The following AGBL3 variants were observed in gnomAD, a reference collection of about 807,000 sequenced individuals.
AGBL3 encodes the protein AGBL carboxypeptidase 3, also known as cytosolic carboxypeptidase 3.
AGBL3 carries 68 observed loss-of-function variants against 94.5 expected under a neutral mutation model. That is an observed-to-expected ratio of 0.72 (90% CI 0.59 to 0.88). The LOEUF (loss-of-function observed/expected upper bound fraction) is 0.88, where lower values mean the gene tolerates loss of function less well. Among genes scored for constraint, AGBL3 ranks in the 40% least tolerant of loss-of-function variants. AGBL3 has a pLI of 0.00. For synonymous variants in AGBL3, 354 were observed against 370.7 expected (o/e 0.95, Z 0.52); for missense variants, 934 against 1,103.8 (o/e 0.85, Z 2.18).
At chr7:135,025,445 T>A (rs1814984343) in intron 5 of AGBL3, among the ~76,000 whole-genome samples, 1 of 151,552 alleles carries the variant, frequency 6.6e-6, no homozygotes, top group South Asian at 2.2e-4. Flanking sequence ...AGACCAGCCT[T>A]ACAAGATGAT....
chr7:135,018,299 C>T (rs750536251), intron 5 of AGBL3, among the ~76,000 whole-genome samples: 1 of 152,138 alleles, frequency 6.6e-6, no homozygotes, highest in African/African-American at 2.4e-5. Context: ...CCTGTGGCAC[C>T]GAAGGGAAAA....
intron 13 of AGBL3, among the ~76,000 whole-genome samples, 170 bp downstream of exon 13, chr7:135,076,638 G>A (rs1820477984): frequency 6.6e-6 from 1 of 152,064 alleles, no homozygotes; most frequent in Non-Finnish European, 1.5e-5. Context: ...ACAGATGAGA[G>A]GTGGGCCTTA....
At chr7:135,080,747 T>G (rs1293905272) in intron 14 of AGBL3, among the ~76,000 whole-genome samples, 3 of 151,162 alleles carry the variant, frequency 2.0e-5, no homozygotes, top group Non-Finnish European at 4.4e-5. Flanking sequence ...CATCTCTGTT[T>G]TTTTTTTTTT....
chr7:135,026,248 T>TTTTATTTTATTTTTTTTATTTATTTTA (rs775495542), intron 5 of AGBL3, among the ~76,000 whole-genome samples: 1 of 113,722 alleles, frequency 8.8e-6, no homozygotes, highest in South Asian at 2.8e-4. Context: ...AATACCATTA[T>TTTTATTTTATTTTTTTTATTTATTTTA]TTTATTTTAT....
intron 11 of AGBL3, among the ~76,000 whole-genome samples, chr7:135,057,577 C>G (rs532267527): frequency 6.6e-6 from 1 of 152,266 alleles, no homozygotes; most frequent in South Asian, 2.1e-4. Context: ...AACTCTCCTT[C>G]TTTGCTAGTG....
intron 16 of AGBL3, among the ~76,000 whole-genome samples, chr7:135,127,053 A>G (rs1259931395): frequency 6.6e-6 from 1 of 152,230 alleles, no homozygotes; most frequent in Admixed American, 6.5e-5. Context: ...CTGCATAGCA[A>G]AAGAAACCAG....
intron 12 of AGBL3, among the ~76,000 whole-genome samples, chr7:135,062,516 T>C (rs933988040): frequency 6.6e-6 from 1 of 151,840 alleles, no homozygotes; most frequent in African/African-American, 2.4e-5. Flanking sequence ...ATGGCCTTTA[T>C]TGTATTGAGG....
At position 135,059,170 on chromosome 7, in the gene AGBL3, A is replaced by G. The variant is rs1242390528; in HGVS notation, c.1843A>G (p.Ser615Gly). 1 of 1,550,354 alleles carries G rather than the reference A, an allele frequency of 6.5e-7. No individual in the cohort carries two copies. Among genetic ancestry groups the G allele is most frequent in the Admixed American group, 2.0e-5 (1 of 50,740 alleles). ...AAACCAAAATTATTTTTTTTGTAGT[A>G]GCCGAGGCTCTGACAGTTCAGAATC... is the stretch of plus-strand genomic sequence containing the variant. ...IDITLDVESS[S>G]RGSDSSESID... The change falls in exon 12 of 17, where the codon AGC becomes GGC. Residue 615 changes from serine to glycine, a missense_variant and splice_region_variant. Around this residue, in one of 3 missense-constraint regions of AGBL3, gnomAD observed 441 missense variants for 518.2 expected, o/e 0.85. Transcript: ENST00000436302.
intron 15 of AGBL3, among the ~76,000 whole-genome samples, chr7:135,112,622 C>T (rs10240318): frequency 0.021 from 3,176 of 152,214 alleles, 123 homozygotes; most frequent in African/African-American, 0.071. Context: ...AGTGAGTGCC[C>T]TGGTTTATCT....
intron 4 of AGBL3, among the ~76,000 whole-genome samples, chr7:135,000,336 T>C (rs772394487): frequency 5.3e-5 from 8 of 152,160 alleles, no homozygotes; most frequent in Non-Finnish European, 1.0e-4. Flanking sequence ...AATTGGTAGA[T>C]TCAGTAAAGA....
intron 16 of AGBL3, among the ~76,000 whole-genome samples, chr7:135,133,355 C>A (rs1309691132): frequency 6.6e-6 from 1 of 152,126 alleles, no homozygotes; most frequent in Non-Finnish European, 1.5e-5. Flanking sequence ...TCAGTTCTTC[C>A]CAGCTTAATA....
chr7:135,018,328 A>G (rs1426989783), intron 5 of AGBL3, among the ~76,000 whole-genome samples: 1 of 152,170 alleles, frequency 6.6e-6, no homozygotes, highest in African/African-American at 2.4e-5. Context: ...GGATAAATAA[A>G]CCAATTTCAC....
At chr7:135,089,470 A>G (rs1454169360) in intron 15 of AGBL3, among the ~76,000 whole-genome samples, 5 of 152,118 alleles carry the variant, frequency 3.3e-5, no homozygotes, top group Non-Finnish European at 5.9e-5. Flanking sequence ...CATCTGGTGG[A>G]ATGACTGTCC....
intron 8 of AGBL3, among the ~76,000 whole-genome samples, chr7:135,040,905 A>AC (rs879742654): frequency 4.0e-5 from 6 of 151,622 alleles, no homozygotes; most frequent in East Asian, 1.9e-4. Context: ...ACACACACAC[A>AC]AAACTAGAAC....
At chr7:135,100,327 G>C (rs183872233) in intron 15 of AGBL3, among the ~76,000 whole-genome samples, 2 of 152,254 alleles carry the variant, frequency 1.3e-5, no homozygotes, top group East Asian at 1.9e-4. Context: ...CTAAAAACTG[G>C]AGAAAGAAGA....
chr7:135,050,920 A>T (rs930280487), intron 11 of AGBL3: 1 of 362,260 alleles, frequency 2.8e-6, no homozygotes, highest in African/African-American at 2.2e-5. Context: ...GTCATTATTG[A>T]TAGAAGATTT....
At chr7:135,063,747 C>T (rs995575550) in intron 12 of AGBL3, among the ~76,000 whole-genome samples, 1 of 152,146 alleles carries the variant, frequency 6.6e-6, no homozygotes. Context: ...ATGACTATGA[C>T]ATAGTTTAGG....
At chr7:135,040,080 A>G (rs1030632140) in intron 8 of AGBL3, among the ~76,000 whole-genome samples, 2 of 152,210 alleles carry the variant, frequency 1.3e-5, no homozygotes, top group Non-Finnish European at 2.9e-5. Flanking sequence ...GGGAAATTCA[A>G]TTCTATGCAC....
chr7:135,091,330 C>T (rs1049276675), intron 15 of AGBL3, among the ~76,000 whole-genome samples: 7 of 151,490 alleles, frequency 4.6e-5, no homozygotes, highest in African/African-American at 1.5e-4. Context: ...GTTCCAGGAC[C>T]CCCATGTATA....
Sources: allele counts gnomAD v4.1 joint callset (sites outside exome capture counted in the v4.1 genomes callset), GRCh38; gene constraint gnomAD v4.1.1; regional missense constraint gnomAD v4.1.1; transcripts MANE v1.5; gene names NCBI Gene and HGNC (gene_info 2026-07-23, HGNC 2026-07-21).